AFDN: variants seen among roughly 807,000 people sequenced by gnomAD.
AFDN encodes afadin, adherens junction formation factor, also known as afadin.
AFDN carries 68 observed loss-of-function variants against 216.6 expected under a neutral mutation model. The observed-to-expected ratio is 0.31, with a 90% CI of 0.26 to 0.38. The LOEUF is 0.38. AFDN is among the 10% of genes least tolerant of loss of function. The probability of loss-of-function intolerance (pLI) is 1.00; values close to 1 mark genes in which losing one functional copy is unlikely to be tolerated. For missense variants in AFDN, 2,136 were observed against 2,342.0 expected, an observed-to-expected ratio of 0.91 and a Z score of 1.82; for synonymous variants, 868 against 853.7, an observed-to-expected ratio of 1.02 and a Z score of -0.29.
At chr6:167,939,104 T>G (rs1261140597) in intron 23 of AFDN, among the ~76,000 whole-genome samples, 2 of 152,214 alleles carry the variant, frequency 1.3e-5, no homozygotes, top group Non-Finnish European at 2.9e-5. Context: ...GAGGCTTGAT[T>G]TATTGTTCTA....
rs1325582688 is a variant in AFDN, at chr6:167,917,203, T to G, written c.2680T>G (p.Cys894Gly). 6 of 1,608,026 alleles carry G rather than the reference T, an allele frequency of 3.7e-6. No individual in the cohort carries two copies. The highest frequency in any genetic ancestry group is 5.1e-6 in the Non-Finnish European group (6 of 1,178,206). Reference protein sequence around the residue: ...QLQALLQNYHCAPDEPFIPTD... With the variant: ...QLQALLQNYHGAPDEPFIPTD... ...TCAAGCCTTATTACAGAACTATCACTGTGCACCTGATGAGCCTTTTATCCC... is the reference window on the plus strand; with the variant it reads ...TCAAGCCTTATTACAGAACTATCACGGTGCACCTGATGAGCCTTTTATCCC... The change falls in exon 20 of 34, where the codon TGT becomes GGT. Residue 894 changes from cysteine (C) to glycine (G), a missense_variant. This residue lies in a region of AFDN where 162 missense variants were observed against 182.6 expected (regional missense o/e 0.89). Coordinates refer to ENST00000683244, the MANE Select transcript of AFDN (RefSeq NM_001386888.1).
chr6:167,906,447 T>G (rs1041173296), intron 12 of AFDN, among the ~76,000 whole-genome samples: 2 of 152,210 alleles, frequency 1.3e-5, no homozygotes, highest in African/African-American at 4.8e-5. Flanking sequence ...TTTTATTTAC[T>G]ACTTGTGCCC....
chr6:167,951,574 C>T lies in AFDN; in HGVS notation c.4220C>T (p.Pro1407Leu), dbSNP rs571941763. Residue 1407 changes from proline to leucine, a missense_variant, in exon 30 of 34, where the codon CCG (proline) becomes CTG (leucine). Transcript: ENST00000683244. This position sits in a 1 kb window ranked among gnomAD's most constrained non-coding sequence, Gnocchi z 7.1. ...PPPSANQIGL[P>L]SAQVAAAERR... ...CCTTCCGCCAACCAGATAGGGCTGC[C>T]GTCTGCGCAGGTGGCTGCTGCTGAA... The T allele has an allele frequency of 1.1e-5, 18 of 1,613,984 alleles. 1 individual carries two copies. The South Asian group carries it at 1.3e-4, about 12-fold the overall frequency.
chr6:167,892,458 A>G (rs147493022), intron 8 of AFDN, among the ~76,000 whole-genome samples: 197 of 152,336 alleles, frequency 1.3e-3, no homozygotes, highest in African/African-American at 4.4e-3. Context: ...TTAAAATTTT[A>G]TATTAAATTC....
At chr6:167,938,854 G>C (rs939738779) in intron 23 of AFDN, among the ~76,000 whole-genome samples, 1 of 152,144 alleles carries the variant, frequency 6.6e-6, no homozygotes, top group Non-Finnish European at 1.5e-5. Flanking sequence ...CTGGAACAAA[G>C]ACATCTTCCA....
Position 167,943,115 on chromosome 6 carries a change from T to C in AFDN, c.3100-14T>C. The C allele has an allele frequency of 6.2e-7, 1 of 1,611,892 alleles. No individual in the cohort carries two copies. Among genetic ancestry groups the C allele is most frequent in the Middle Eastern group, 1.7e-4 (1 of 6,056 alleles). Reference sequence around the variant, plus strand: ...TATCTTCAATGCAGTGTTTTCGCCTTGTTTTTGCAATAGGGTGCTGGTCAA... The same window carrying C: ...TATCTTCAATGCAGTGTTTTCGCCTCGTTTTTGCAATAGGGTGCTGGTCAA... On this transcript the variant is annotated splice_polypyrimidine_tract_variant and intron_variant, in intron 23 of 33. Transcript: ENST00000683244.
intron 2 of AFDN, among the ~76,000 whole-genome samples, chr6:167,866,409 C>T (rs1031241398): frequency 6.6e-6 from 1 of 152,104 alleles, no homozygotes; most frequent in East Asian, 1.9e-4. Flanking sequence ...TTACAGAAAC[C>T]TTAGCGTCTC....
Position 167,915,519 on chromosome 6 carries a change from A to G in AFDN, c.2565+86A>G, listed in dbSNP as rs1790943020. ...GATGAGCAAGAGCTTCAATGCAGCA[A>G]AACCTCAATACCCTCTTTTTGGGGT... On this transcript the variant is annotated intron_variant, in intron 19 of 33. Coordinates refer to ENST00000683244, the MANE Select transcript of AFDN (RefSeq NM_001386888.1). The G allele has an allele frequency of 4.1e-6, 6 of 1,449,346 alleles. No homozygotes were observed. The South Asian group carries it at 8.3e-5, about 20-fold the overall frequency. 89.8% of individuals were successfully genotyped at this position (1,449,346 alleles called of 1,614,324 possible). A position where few individuals can be genotyped will look rare whatever the true frequency, so the allele number is the denominator to read the frequency against.
At position 167,962,454 on chromosome 6, in the gene AFDN, C is replaced by T. The variant is rs765756915; in HGVS notation, c.4855C>T (p.Arg1619Trp). ...RARLQDEERR[R>W]QQQLEEMRKR... is the part of the protein sequence containing the mutation. ...TTAGTTGCAGGACGAGGAGCGGAGG[C>T]GGCAGCAGCAGTTAGAAGAGATGCG... The change falls in exon 31 of 34, where the codon CGG (arginine) becomes TGG (tryptophan). Residue 1619 changes from arginine (R) to tryptophan (W), a missense_variant. Physicochemically the swap from Arg to Trp is moderately radical, Grantham distance 101. Around this residue, in one of 8 missense-constraint regions of AFDN, gnomAD observed 981 missense variants for 966.0 expected, o/e 1.02. Transcript: ENST00000683244. The surrounding 1 kb of genome is among the most constrained non-coding windows in gnomAD (Gnocchi z 5.2). 3.5e-5 allele frequency: 56 copies of T among 1,613,530 alleles called. No individual in the cohort carries two copies. Among genetic ancestry groups the T allele is most frequent in the Non-Finnish European group, 4.2e-5 (50 of 1,179,842 alleles).
At chr6:167,944,809 A>G (rs945821210) in intron 26 of AFDN, among the ~76,000 whole-genome samples, 9 of 152,208 alleles carry the variant, frequency 5.9e-5, no homozygotes, top group Non-Finnish European at 1.2e-4. Flanking sequence ...AAGAGTAACA[A>G]TGCTAGACCC....
rs755253833 is a variant in AFDN at position 167,911,106 on chromosome 6, A to G, written c.1775A>G (p.Gln592Arg). 9 of 1,612,700 alleles carry G rather than the reference A, an allele frequency of 5.6e-6. No homozygotes were observed. The highest frequency in any genetic ancestry group is 7.6e-6 in the Non-Finnish European group (9 of 1,179,558). The change falls in exon 14 of 34, where the codon CAG becomes CGG. Residue 592 changes from glutamine (Q) to arginine (R), a missense_variant. Physicochemically the swap from Gln to Arg is conservative, Grantham distance 43. Coordinates refer to ENST00000683244, the MANE Select transcript of AFDN (RefSeq NM_001386888.1). ...TGTCAGCTTTCTTCTTTTAGAACACAGGATGCTTCTGGGCCTGAGCTGATA... is the reference window on the plus strand; with the variant it reads ...TGTCAGCTTTCTTCTTTTAGAACACGGGATGCTTCTGGGCCTGAGCTGATA... ...PDYRRQESRT[Q>R]DASGPELILP... is the part of the protein sequence containing the mutation.
intron 12 of AFDN, among the ~76,000 whole-genome samples, chr6:167,906,796 C>A (rs1789745801): frequency 6.6e-6 from 1 of 152,152 alleles, no homozygotes; most frequent in Non-Finnish European, 1.5e-5. Context: ...AAAGACCCTG[C>A]CTCTTCATGT....
intron 5 of AFDN, among the ~76,000 whole-genome samples, chr6:167,877,857 C>T (rs1454511926): frequency 5.3e-5 from 8 of 152,116 alleles, no homozygotes; most frequent in African/African-American, 1.4e-4. Context: ...GATGACAGAA[C>T]CTGCATGTCC....
chr6:167,962,361 T>A lies in AFDN; in HGVS notation c.4834-72T>A. 6.3e-7 allele frequency: 1 copy of A among 1,599,488 alleles called. No individual in the cohort carries two copies. The stretch of plus-strand genomic sequence containing the variant: ...GTTTGTGTATATGTGTGTCTACTTG[T>A]CTTAATGTGTGCATTTTATGTCTTG... On this transcript the variant is annotated intron_variant, in intron 30 of 33. Coordinates refer to ENST00000683244, the MANE Select transcript of AFDN (RefSeq NM_001386888.1). This position sits in a 1 kb window ranked among gnomAD's most constrained non-coding sequence, Gnocchi z 5.2.
chr6:167,870,273 C>T (rs1396774796), intron 2 of AFDN, 113 bp from the exon 3 acceptor site: 2 of 626,558 alleles, frequency 3.2e-6, no homozygotes, highest in African/African-American at 1.9e-5. Context: ...ACATTTCAGT[C>T]TGCAAGTAGG....
At chr6:167,869,481 C>A (rs1471886366) in intron 2 of AFDN, among the ~76,000 whole-genome samples, 1 of 152,188 alleles carries the variant, frequency 6.6e-6, no homozygotes, top group Admixed American at 6.5e-5. Context: ...AAGGTTTGAG[C>A]AGAGTGAATG....
intron 17 of AFDN, 127 bp downstream of exon 17, chr6:167,914,440 A>G: frequency 8.1e-7 from 1 of 1,231,444 alleles, no homozygotes; most frequent in Non-Finnish European, 1.1e-6. Context: ...AAAGAAGCAT[A>G]CATTTTTGCA....
chr6:167,912,547 A>C (rs151268889), intron 15 of AFDN, among the ~76,000 whole-genome samples: 1 of 152,344 alleles, frequency 6.6e-6, no homozygotes, highest in Non-Finnish European at 1.5e-5. Context: ...ATAGGTAAAA[A>C]AGAAAGTCAT....
intron 30 of AFDN, among the ~76,000 whole-genome samples, chr6:167,954,025 A>G (rs1796264670): frequency 6.6e-6 from 1 of 152,236 alleles, no homozygotes; most frequent in South Asian, 2.1e-4. Context: ...TGTGAGGACT[A>G]AACTTTTATT....
Sources: allele counts gnomAD v4.1 joint callset (sites outside exome capture counted in the v4.1 genomes callset), GRCh38; gene constraint gnomAD v4.1.1; regional missense constraint gnomAD v4.1.1; non-coding constraint Gnocchi (gnomAD v3.1); transcripts MANE v1.5; gene names NCBI Gene and HGNC (gene_info 2026-07-23, HGNC 2026-07-21).